DNAH7: variants seen among roughly 807,000 people sequenced by gnomAD.
DNAH7 encodes axonemal beta dynein heavy chain 7.
A neutral mutation model predicts 444.6 loss-of-function variants in DNAH7; 397 were observed. The observed-to-expected ratio is 0.89, with a 90% CI of 0.82 to 0.97. The LOEUF (loss-of-function observed/expected upper bound fraction) is 0.97, where lower values mean the gene tolerates loss of function less well. Ranked by LOEUF, DNAH7 falls within the 50% of genes least tolerant of loss-of-function variation. DNAH7 has a pLI of 0.00. For synonymous variants in DNAH7, 1,636 were observed against 1,624.4 expected, an observed-to-expected ratio of 1.01 and a Z score of -0.17; for missense variants, 4,902 against 4,800.8, an observed-to-expected ratio of 1.02 and a Z score of -0.62.
At chr2:196,005,834 C>A (rs1211786189) in intron 10 of DNAH7, among the ~76,000 whole-genome samples, 2 of 151,948 alleles carry the variant, frequency 1.3e-5, no homozygotes, top group Admixed American at 1.3e-4. Context: ...AAAGAATTCA[C>A]TAACCAAAAA....
At chr2:195,978,496 G>A (rs1692347567) in intron 15 of DNAH7, among the ~76,000 whole-genome samples, 1 of 151,978 alleles carries the variant, frequency 6.6e-6, no homozygotes, top group South Asian at 2.1e-4. Flanking sequence ...AGAAGGAAGA[G>A]AAGACTGCAA....
chr2:196,038,638 A>C (rs1387139990), intron 5 of DNAH7, among the ~76,000 whole-genome samples: 1 of 152,238 alleles, frequency 6.6e-6, no homozygotes, highest in Non-Finnish European at 1.5e-5. Flanking sequence ...AAAAATGAAG[A>C]TATTCCATGC....
chr2:195,872,609 T>TATA (rs1700785026), intron 39 of DNAH7, 140 bp from the exon 40 acceptor site: 1 of 473,276 alleles, frequency 2.1e-6, no homozygotes, highest in African/African-American at 2.0e-5. Flanking sequence ...CATATCTTAT[T>TATA]ATAATAATAA....
chr2:195,794,492 G>A lies in DNAH7; in HGVS notation c.10562C>T (p.Thr3521Met), dbSNP rs759725771. 8.0e-5 allele frequency: 129 copies of A among 1,614,002 alleles called. 1 individual carries two copies. The highest frequency in any genetic ancestry group is 1.0e-4 in the Non-Finnish European group (121 of 1,180,008). The change falls in exon 57 of 65, where the codon ACG (threonine) becomes ATG (methionine). Residue 3521 changes from threonine (T) to methionine (M), a missense_variant. By Grantham distance (81) the Thr-to-Met change is moderately conservative (BLOSUM62 -1). Transcript: ENST00000312428. The stretch of plus-strand genomic sequence containing the variant: ...AGGGAAATTTGGAGATGGGTAACTC[G>A]TTAGCCACATTCGGAAATCTGGATG... ...STHPDFRMWL[T>M]SYPSPNFPVS...
chr2:196,032,694 G>A (rs1213832697), intron 5 of DNAH7, among the ~76,000 whole-genome samples: 3 of 152,142 alleles, frequency 2.0e-5, no homozygotes, highest in African/African-American at 7.2e-5. Flanking sequence ...ATCAAACAAG[G>A]AGGAAATAAT....
At chr2:195,947,619 G>T (rs532337438) in intron 19 of DNAH7, among the ~76,000 whole-genome samples, 1 of 152,212 alleles carries the variant, frequency 6.6e-6, no homozygotes, top group Non-Finnish European at 1.5e-5. Flanking sequence ...TAAAGGACAT[G>T]AACTCATCCT....
intron 61 of DNAH7, among the ~76,000 whole-genome samples, chr2:195,757,614 C>A (rs912346783): frequency 2.6e-5 from 4 of 152,084 alleles, no homozygotes; most frequent in African/African-American, 9.7e-5. Context: ...AAGACATAAG[C>A]CCCCAAGTGT....
chr2:195,793,380 A>G (rs2105987564), intron 57 of DNAH7, among the ~76,000 whole-genome samples: 1 of 152,318 alleles, frequency 6.6e-6, no homozygotes, highest in African/African-American at 2.4e-5. Context: ...AAATTCCTGG[A>G]CCTGAAATGT....
At position 195,900,455 on chromosome 2, in the gene DNAH7, C is replaced by T. The variant is rs746744774; in HGVS notation, c.4375G>A (p.Ala1459Thr). Residue 1459 changes from alanine to threonine, a missense_variant, in exon 28 of 65, where the codon GCC becomes ACC. Physicochemically the swap from Ala to Thr is moderately conservative, Grantham distance 58. Transcript: ENST00000312428. ...RTVAMMVPDYAMIAEIVLYSC... is the reference protein window; with the variant it reads ...RTVAMMVPDYTMIAEIVLYSC... ...TATAGGACTATTTCAGCAATCATGGCATAGTCAGGTACCATCATTGCTACT... is the reference window on the plus strand; with the variant it reads ...TATAGGACTATTTCAGCAATCATGGTATAGTCAGGTACCATCATTGCTACT... 1.9e-6 allele frequency: 3 copies of T among 1,613,792 alleles called. No homozygotes were observed. In the South Asian group the frequency reaches 3.3e-5, roughly 18 times the overall value.
chr2:195,803,157 C>G (rs868393088), intron 54 of DNAH7, among the ~76,000 whole-genome samples: 6 of 152,094 alleles, frequency 3.9e-5, no homozygotes, highest in Non-Finnish European at 8.8e-5. Flanking sequence ...ACAAAAAAAC[C>G]CCACTTTTTC....
intron 48 of DNAH7, among the ~76,000 whole-genome samples, chr2:195,831,023 C>G (rs926559090): frequency 6.6e-6 from 1 of 151,808 alleles, no homozygotes; most frequent in African/African-American, 2.4e-5. Flanking sequence ...TTGTTACATA[C>G]AAGGGGGAAA....
rs1209517338 is a variant in DNAH7, at chr2:195,884,797, A to C, written c.5551T>G (p.Phe1851Val). Residue 1851 changes from phenylalanine (F) to valine (V), a missense_variant, in exon 35 of 65, where the codon TTT (phenylalanine) becomes GTT (valine). By Grantham distance (50) the Phe-to-Val change is conservative. Transcript: ENST00000312428. The stretch of plus-strand genomic sequence containing the variant: ...GCACCAACGGACCAGATCAATGAAA[A>C]CAGAAAAATGCCCTGCATTGGACAG... ...TYSLLEGIFL[F>V]SLIWSVGASC... is the part of the protein sequence containing the mutation. The C allele has an allele frequency of 4.3e-6, 7 of 1,612,018 alleles. No individual in the cohort carries two copies. The highest frequency in any genetic ancestry group is 1.7e-5 in the Admixed American group (1 of 59,952).
intron 1 of DNAH7, 62 bp from the exon 2 acceptor site, chr2:196,058,178 C>G (rs1306042248): frequency 1.5e-6 from 2 of 1,357,888 alleles, no homozygotes; most frequent in Non-Finnish European, 2.0e-6. Flanking sequence ...TTGATTCACT[C>G]AACCAAATTT....
chr2:195,782,924 G>T (rs1445057077), intron 58 of DNAH7, among the ~76,000 whole-genome samples: 1 of 151,982 alleles, frequency 6.6e-6, no homozygotes, highest in Non-Finnish European at 1.5e-5. Flanking sequence ...TCTATTTTCA[G>T]GCTTCTCCTA....
chr2:195,920,350 G>A (rs764300360), intron 24 of DNAH7, among the ~76,000 whole-genome samples: 24 of 152,276 alleles, frequency 1.6e-4, no homozygotes, highest in South Asian at 4.1e-4. Flanking sequence ...CATGGTACTA[G>A]TATAAAAATA....
intron 47 of DNAH7, among the ~76,000 whole-genome samples, chr2:195,842,581 G>T (rs779522045): frequency 1.3e-5 from 2 of 152,080 alleles, no homozygotes; most frequent in African/African-American, 2.4e-5. Flanking sequence ...AAGAAGCCAA[G>T]AATGAAAATT....
chr2:195,965,695 A>G (rs1691425278), intron 17 of DNAH7, among the ~76,000 whole-genome samples: 1 of 151,998 alleles, frequency 6.6e-6, no homozygotes, highest in Admixed American at 6.5e-5. Flanking sequence ...CAATCTTGGT[A>G]CTTTGTGTGT....
chr2:195,888,517 T>G, intron 32 of DNAH7, 83 bp from the exon 33 acceptor site: 1 of 1,372,224 alleles, frequency 7.3e-7, no homozygotes, highest in Non-Finnish European at 9.8e-7. Flanking sequence ...TTTTATAACC[T>G]TCAGCAAAGT....
intron 57 of DNAH7, among the ~76,000 whole-genome samples, chr2:195,788,533 G>A (rs893399272): frequency 6.6e-6 from 1 of 152,118 alleles, no homozygotes; most frequent in Non-Finnish European, 1.5e-5. Flanking sequence ...CAAGAGCAGG[G>A]GAAGGGTTTC....
Sources: allele counts gnomAD v4.1 joint callset (sites outside exome capture counted in the v4.1 genomes callset), GRCh38; gene constraint gnomAD v4.1.1; transcripts MANE v1.5; gene names NCBI Gene and HGNC (gene_info 2026-07-23, HGNC 2026-07-21).